Variants in RAPGEF1 observed in about 807,000 individuals in gnomAD.
RAPGEF1 encodes Rap guanine nucleotide exchange factor 1, also known as CRK SH3-binding GNRP.
In RAPGEF1, 33 loss-of-function variants were observed where a neutral mutation model predicts 143.3. The ratio of observed to expected loss-of-function variants is 0.23; its 90% CI spans 0.17 to 0.31. The LOEUF (loss-of-function observed/expected upper bound fraction) is 0.31, where lower values mean the gene tolerates loss of function less well. RAPGEF1 is among the 10% of genes least tolerant of loss of function. The pLI is 1.00. For synonymous variants in RAPGEF1, 629 were observed against 676.5 expected, an observed-to-expected ratio of 0.93 and a Z score of 1.09; for missense variants, 1,199 against 1,645.4, an observed-to-expected ratio of 0.73 and a Z score of 4.69.
At chr9:131,622,033 G>T in intron 10 of RAPGEF1, 35 bp from the exon 11 acceptor site, 1 of 1,585,300 alleles carries the variant, frequency 6.3e-7, no homozygotes, top group East Asian at 2.3e-5. Flanking sequence ...AGCGAGGCCG[G>T]GGGAGGCCAC....
intron 1 of RAPGEF1, among the ~76,000 whole-genome samples, chr9:131,692,991 C>A (rs1018004447): frequency 1.3e-5 from 2 of 152,166 alleles, no homozygotes; most frequent in South Asian, 4.1e-4. Context: ...TTCATGGGGA[C>A]CCTGGCTAAG....
At position 131,594,291 on chromosome 9, in the gene RAPGEF1, G is replaced by A. The variant is rs538013232; in HGVS notation, c.2689+2007C>T. ...CTTTGAGACAGCCCTAAAAGGCCCCGAAATTGTCCCTCATTTTCCTCCTAA... is the reference window on the plus strand; with the variant it reads ...CTTTGAGACAGCCCTAAAAGGCCCCAAAATTGTCCCTCATTTTCCTCCTAA... On this transcript the variant is annotated intron_variant, in intron 17 of 26. Transcript: ENST00000683357. 6.6e-5 allele frequency among the ~76,000 whole-genome samples: 10 copies of A among 152,330 alleles called. No homozygotes were observed. In the South Asian group the frequency reaches 1.0e-3, roughly 16 times the overall value.
chr9:131,692,988 G>A (rs1833889431), intron 1 of RAPGEF1, among the ~76,000 whole-genome samples: 1 of 152,092 alleles, frequency 6.6e-6, no homozygotes, highest in Admixed American at 6.6e-5. Context: ...TGGTTCATGG[G>A]GACCCTGGCT....
chr9:131,589,010 TGAG>T (rs776006536), intron 19 of RAPGEF1, 24 bp from the exon 20 acceptor site: 1 of 1,606,406 alleles, frequency 6.2e-7, no homozygotes, highest in South Asian at 1.1e-5. Flanking sequence ...GAGCACAAGG[TGAG>T]GAGCAGGAAC....
rs569753565 is a variant in RAPGEF1, at chr9:131,695,494, C to G, written c.61+44276G>C. Reference sequence around the variant, plus strand: ...GGAAGCAAAAGCTCTCCCCAGATTGCAAGCGCACTGCTGTGTTACAGCAGA... The same window carrying G: ...GGAAGCAAAAGCTCTCCCCAGATTGGAAGCGCACTGCTGTGTTACAGCAGA... On this transcript the variant is annotated intron_variant, in intron 1 of 26. Coordinates refer to ENST00000683357, the MANE Select transcript of RAPGEF1 (RefSeq NM_001377935.1). Among the ~76,000 whole-genome samples the G allele has an allele frequency of 2.8e-4, 42 of 152,328 alleles. No individual in the cohort carries two copies. In the South Asian group the frequency reaches 7.9e-3, roughly 29 times the overall value.
At chr9:131,624,065 G>C (rs1197472697) in intron 10 of RAPGEF1, among the ~76,000 whole-genome samples, 1 of 152,130 alleles carries the variant, frequency 6.6e-6, no homozygotes, top group Non-Finnish European at 1.5e-5. Flanking sequence ...CTGTAAACTG[G>C]ATGGGATCTC....
chr9:131,598,090 C>T, intron 16 of RAPGEF1, 109 bp downstream of exon 16: 1 of 953,188 alleles, frequency 1.0e-6, no homozygotes, highest in Non-Finnish European at 1.6e-6. Context: ...GACTTGGTCT[C>T]TAAGCCTCCT....
intron 5 of RAPGEF1, among the ~76,000 whole-genome samples, chr9:131,630,547 A>C (rs1226842078): frequency 6.6e-6 from 1 of 152,210 alleles, no homozygotes; most frequent in Non-Finnish European, 1.5e-5. Context: ...TCAAGTTTCA[A>C]ATGCGTAAAG....
At position 131,577,066 on chromosome 9, in the gene RAPGEF1, T is replaced by C. The variant is rs1451870864; in HGVS notation, c.*2431A>G. 1 of 151,920 alleles carries C rather than the reference T, an allele frequency of 6.6e-6. No homozygotes were observed. The allele number at this position is 151,920 out of a possible 1,614,324, so 9.4% of individuals were successfully genotyped here. A position where few individuals can be genotyped will look rare whatever the true frequency, so the allele number is the denominator to read the frequency against. ...GCTCACGTCTGTCTGTGAAGACTGA[T>C]TCCCACAACCCGCCCGGGCCCCCCA... is the stretch of plus-strand genomic sequence containing the variant. On this transcript the variant is annotated 3_prime_UTR_variant, in exon 27 of 27. Coordinates refer to ENST00000683357, the MANE Select transcript of RAPGEF1 (RefSeq NM_001377935.1).
intron 22 of RAPGEF1, among the ~76,000 whole-genome samples, chr9:131,587,206 C>T (rs368510358): frequency 0.14 from 13,380 of 92,852 alleles, 2,010 homozygotes; most frequent in Non-Finnish European, 0.21. Flanking sequence ...ACCTGCAGAG[C>T]GAGACTCCGT....
At chr9:131,694,778 C>T (rs1217986105) in intron 1 of RAPGEF1, among the ~76,000 whole-genome samples, 1 of 150,580 alleles carries the variant, frequency 6.6e-6, no homozygotes, top group Admixed American at 6.6e-5. Flanking sequence ...TCCTACAGCA[C>T]TCATCACCTT....
Position 131,667,038 on chromosome 9 carries a change from G to A in RAPGEF1, c.62-16089C>T, listed in dbSNP as rs1466658947. Among the ~76,000 whole-genome samples the A allele has an allele frequency of 3.3e-5, 5 of 151,868 alleles. No individual in the cohort carries two copies. Among genetic ancestry groups the A allele is most frequent in the African/African-American group, 9.7e-5 (4 of 41,346 alleles). ...CAGAGTCTCACTCTGTCACCCAGGCGGAGTGCAGTGGCACGAACTCGGCTC... is the reference window on the plus strand; with the variant it reads ...CAGAGTCTCACTCTGTCACCCAGGCAGAGTGCAGTGGCACGAACTCGGCTC... On this transcript the variant is annotated intron_variant, in intron 1 of 26. Coordinates refer to ENST00000683357, the MANE Select transcript of RAPGEF1 (RefSeq NM_001377935.1). This position sits in a 1 kb window ranked among gnomAD's most constrained non-coding sequence, Gnocchi z 4.6.
In RAPGEF1 at chr9:131,583,302, C is replaced by G. The variant is rs542942014; in HGVS notation, c.3415-600G>C. On this transcript the variant is annotated intron_variant, in intron 24 of 26. Transcript: ENST00000683357. The surrounding 1 kb of genome is among the most constrained non-coding windows in gnomAD (Gnocchi z 4.7). ...TCCCTGAAGTGCTGCCTCCTGAGGA[C>G]CCCCCATGCAGAGGCCGTGTGAATT... Among the ~76,000 whole-genome samples, 5 of 152,162 alleles carry G rather than the reference C, an allele frequency of 3.3e-5. No individual in the cohort carries two copies. Among genetic ancestry groups the G allele is most frequent in the Non-Finnish European group, 7.4e-5 (5 of 68,010 alleles).
At chr9:131,651,799 T>C (rs1971142728) in intron 1 of RAPGEF1, among the ~76,000 whole-genome samples, 1 of 152,206 alleles carries the variant, frequency 6.6e-6, no homozygotes, top group African/African-American at 2.4e-5. Flanking sequence ...GGCAACTTCG[T>C]TGTGCAAATG....
chr9:131,669,848 CACTTCATTTCCAGTCAAATGT>C (rs1418634288), intron 1 of RAPGEF1, among the ~76,000 whole-genome samples: 1 of 152,174 alleles, frequency 6.6e-6, no homozygotes, highest in South Asian at 2.1e-4. Context: ...AAATTCAATC[CACTTCATTTCCAGTCAAATGT>C]ATTGGCCCCC....
intron 1 of RAPGEF1, among the ~76,000 whole-genome samples, chr9:131,714,343 T>TA (rs1167499436): frequency 6.6e-6 from 1 of 151,912 alleles, no homozygotes; most frequent in African/African-American, 2.4e-5. Flanking sequence ...TTTTTTTTTT[T>TA]TAGATAGAAA....
At position 131,638,650 on chromosome 9, in the gene RAPGEF1, C is replaced by T. The variant is rs1373668660; in HGVS notation, c.636G>A (p.Val212=). The part of the protein sequence containing the change: ...VTTVKGVIKA[V]LDGVKELVRL... ...GCACCGGTACCTTCACTCCATCCAG[C>T]ACAGCCTTGATGACCCCCTTCACAG... is the stretch of plus-strand genomic sequence containing the variant. Residue 212 remains valine, a synonymous_variant, in exon 5 of 27, where the codon GTG becomes GTA. Coordinates refer to ENST00000683357, the MANE Select transcript of RAPGEF1 (RefSeq NM_001377935.1). 5.0e-6 allele frequency: 8 copies of T among 1,614,042 alleles called. No homozygotes were observed. The highest frequency in any genetic ancestry group is 5.9e-6 in the Non-Finnish European group (7 of 1,179,890).
chr9:131,583,794 C>T lies in RAPGEF1; in HGVS notation c.3414+517G>A, dbSNP rs968701436. Reference sequence around the variant, plus strand: ...CCCCACCTGCTCCTGGCTGTGCACTCCTTTGTCCCCTTTGATTCTCTTCCC... The same window carrying T: ...CCCCACCTGCTCCTGGCTGTGCACTTCTTTGTCCCCTTTGATTCTCTTCCC... On this transcript the variant is annotated intron_variant, in intron 24 of 26. Coordinates refer to ENST00000683357, the MANE Select transcript of RAPGEF1 (RefSeq NM_001377935.1). The surrounding 1 kb of genome is among the most constrained non-coding windows in gnomAD (Gnocchi z 4.7). Among the ~76,000 whole-genome samples, 1 of 152,224 alleles carries T rather than the reference C, an allele frequency of 6.6e-6. No individual in the cohort carries two copies. The highest frequency in any genetic ancestry group is 1.5e-5 in the Non-Finnish European group (1 of 68,032).
In RAPGEF1 at chr9:131,641,707, G is replaced by A. The variant is rs952888199; in HGVS notation, c.494+1532C>T. On this transcript the variant is annotated intron_variant, in intron 4 of 26. Transcript: ENST00000683357. The surrounding 1 kb of genome is among the most constrained non-coding windows in gnomAD (Gnocchi z 4.6). ...ATGACGTCAGCACATGCGCTCCTAGGAGCCCAGCACCGAACACTTCTAAGA... is the reference window on the plus strand; with the variant it reads ...ATGACGTCAGCACATGCGCTCCTAGAAGCCCAGCACCGAACACTTCTAAGA... Among the ~76,000 whole-genome samples, 3 of 152,172 alleles carry A rather than the reference G, an allele frequency of 2.0e-5. No individual in the cohort carries two copies. The highest frequency in any genetic ancestry group is 4.4e-5 in the Non-Finnish European group (3 of 68,028).
Sources: gnomAD v4.1 joint callset for allele counts (sites outside exome capture counted in the v4.1 genomes callset) on GRCh38, gnomAD v4.1.1 for gene constraint, Gnocchi (gnomAD v3.1) non-coding constraint, MANE v1.5 for transcripts, NCBI Gene and HGNC (gene_info 2026-07-23, HGNC 2026-07-21) for gene names.